The following MCPH1 variants were observed in gnomAD, a reference collection of about 807,000 sequenced individuals.
MCPH1 encodes the protein microcephalin.
A neutral mutation model predicts 84.5 loss-of-function variants in MCPH1; 104 were observed. The ratio of observed to expected loss-of-function variants is 1.23; its 90% CI spans 1.05 to 1.45. The LOEUF (loss-of-function observed/expected upper bound fraction) is 1.45, where lower values mean the gene tolerates loss of function less well. MCPH1 is among the 40% of genes most tolerant of loss of function. The pLI is 0.00. For synonymous variants in MCPH1, 514 were observed against 366.8 expected, an observed-to-expected ratio of 1.40 and a Z score of -4.58; for missense variants, 1,498 against 1,005.7, an observed-to-expected ratio of 1.49 and a Z score of -6.62.
intron 12 of MCPH1, among the ~76,000 whole-genome samples, chr8:6,541,863 C>T (rs897894636): frequency 1.3e-5 from 2 of 151,968 alleles, no homozygotes; most frequent in Admixed American, 1.3e-4. Flanking sequence ...TAAAAATTAG[C>T]TGGACATGGT....
intron 12 of MCPH1, among the ~76,000 whole-genome samples, chr8:6,571,462 T>G (rs1049616804): frequency 6.6e-6 from 1 of 152,182 alleles, no homozygotes; most frequent in African/African-American, 2.4e-5. Context: ...TCTAAAAAAA[T>G]ATGTCCAGTC....
intron 11 of MCPH1, 49 bp from the exon 12 acceptor site, chr8:6,499,803 G>A: frequency 6.5e-7 from 1 of 1,539,620 alleles, no homozygotes; most frequent in Non-Finnish European, 9.0e-7. Flanking sequence ...TTTATTGCCT[G>A]CTAAGGCTAA....
chr8:6,445,652 A>C lies in MCPH1; in HGVS notation c.1825+105A>C, dbSNP rs1159955431. The C allele has an allele frequency of 2.7e-6, 4 of 1,467,006 alleles. No homozygotes were observed. In the African/African-American group the frequency reaches 4.3e-5, roughly 16 times the overall value. The allele number at this position is 1,467,006 out of a possible 1,614,324, so 90.9% of individuals were successfully genotyped here. ...TTTTTCATAACTTATTTCCCCATTT[A>C]CTCCTCTTTTTACTTAAAGAATGTG... is the stretch of plus-strand genomic sequence containing the variant. On this transcript the variant is annotated intron_variant, in intron 8 of 13. Transcript: ENST00000344683.
At chr8:6,466,468 T>G (rs1585933368) in intron 9 of MCPH1, among the ~76,000 whole-genome samples, 1 of 152,126 alleles carries the variant, frequency 6.6e-6, no homozygotes, top group East Asian at 1.9e-4. Flanking sequence ...CCACCACACC[T>G]GGCTAAGTTT....
chr8:6,526,147 C>T (rs777408160), intron 12 of MCPH1, among the ~76,000 whole-genome samples: 9 of 150,684 alleles, frequency 6.0e-5, no homozygotes, highest in Non-Finnish European at 1.0e-4. Context: ...ACGCCAGGTA[C>T]GGTGGCTCAT....
intron 12 of MCPH1, among the ~76,000 whole-genome samples, chr8:6,601,789 C>A (rs1829395749): frequency 6.6e-6 from 1 of 151,616 alleles, no homozygotes; most frequent in South Asian, 2.1e-4. Flanking sequence ...ACCACATATA[C>A]CCACACCACA....
intron 3 of MCPH1, among the ~76,000 whole-genome samples, chr8:6,422,599 C>G (rs1800378192): frequency 6.6e-6 from 1 of 152,210 alleles, no homozygotes; most frequent in African/African-American, 2.4e-5. Flanking sequence ...TTCTCTCTCT[C>G]TCTATTTCTG....
In MCPH1 at chr8:6,509,032, G is replaced by A. The variant is rs61733315; in HGVS notation, c.2214+9103G>A. On this transcript the variant is annotated intron_variant, in intron 12 of 13. Coordinates refer to ENST00000344683, the MANE Select transcript of MCPH1 (RefSeq NM_024596.5). Reference sequence around the variant, plus strand: ...GTTGGCTGATGCTGCTTATTTTGCCGGCTGTCCCTGTAAGTCCTTTAAGGT... The same window carrying A: ...GTTGGCTGATGCTGCTTATTTTGCCAGCTGTCCCTGTAAGTCCTTTAAGGT... 1.1e-5 allele frequency: 18 copies of A among 1,613,888 alleles called. 1 individual carries two copies. Among genetic ancestry groups the A allele is most frequent in the Admixed American group, 5.0e-5 (3 of 59,996 alleles).
chr8:6,505,300 TATGTATATA>T (rs1563305842), intron 12 of MCPH1, among the ~76,000 whole-genome samples: 5 of 53,992 alleles, frequency 9.3e-5, no homozygotes, highest in African/African-American at 4.2e-4. Flanking sequence ...TATACATATA[TATGTATATA>T]ACATATATAT....
chr8:6,594,840 C>G (rs749968831), intron 12 of MCPH1, among the ~76,000 whole-genome samples: 1 of 152,132 alleles, frequency 6.6e-6, no homozygotes, highest in Non-Finnish European at 1.5e-5. Flanking sequence ...GACCTGCCCT[C>G]GGGGTCAGAG....
intron 9 of MCPH1, among the ~76,000 whole-genome samples, chr8:6,456,377 G>A (rs532339980): frequency 1.3e-5 from 2 of 152,270 alleles, no homozygotes; most frequent in Admixed American, 6.5e-5. Context: ...TAGAACGCTC[G>A]CAACACTGTG....
chr8:6,629,977 G>T (rs1457742581), intron 13 of MCPH1, among the ~76,000 whole-genome samples: 1 of 152,154 alleles, frequency 6.6e-6, no homozygotes, highest in African/African-American at 2.4e-5. Flanking sequence ...CACAGAACCT[G>T]GTGTTCCACA....
chr8:6,436,203 C>G (rs1802614743), intron 5 of MCPH1, 41 bp downstream of exon 5: 2 of 1,597,864 alleles, frequency 1.3e-6, no homozygotes, highest in Non-Finnish European at 1.7e-6. Flanking sequence ...CATTTGTGTC[C>G]ATACACCTTG....
chr8:6,407,338 A>G (rs146588091), intron 1 of MCPH1, among the ~76,000 whole-genome samples: 13 of 152,082 alleles, frequency 8.5e-5, no homozygotes, highest in South Asian at 4.2e-4. Flanking sequence ...TAACCGCTCT[A>G]TCAACTCTCT....
At chr8:6,638,897 G>C (rs891488225) in intron 13 of MCPH1, among the ~76,000 whole-genome samples, 5 of 152,218 alleles carry the variant, frequency 3.3e-5, no homozygotes, top group Admixed American at 3.3e-4. Flanking sequence ...TCAGTGGTCA[G>C]ATGCGCTTCA....
At chr8:6,496,681 G>C (rs1811270530) in intron 11 of MCPH1, among the ~76,000 whole-genome samples, 1 of 152,136 alleles carries the variant, frequency 6.6e-6, no homozygotes, top group Non-Finnish European at 1.5e-5. Context: ...AATAAATGTA[G>C]TGTTATGACT....
intron 5 of MCPH1, among the ~76,000 whole-genome samples, chr8:6,438,364 A>AT (rs1037203436): frequency 6.7e-5 from 10 of 149,634 alleles, no homozygotes; most frequent in African/African-American, 2.4e-4. Flanking sequence ...GATTCTTGGT[A>AT]TTTTTTTGTT....
At chr8:6,456,149 T>C (rs894293406) in intron 9 of MCPH1, among the ~76,000 whole-genome samples, 2 of 152,166 alleles carry the variant, frequency 1.3e-5, no homozygotes, top group African/African-American at 4.8e-5. Flanking sequence ...TGCTTTCTGG[T>C]TTGTCTCGGA....
At chr8:6,623,031 T>G (rs1831634101) in intron 13 of MCPH1, among the ~76,000 whole-genome samples, 1 of 148,818 alleles carries the variant, frequency 6.7e-6, no homozygotes, top group African/African-American at 2.5e-5. Context: ...TTTTTTTTTT[T>G]TTGTAGAGAT....
Sources: allele counts gnomAD v4.1 joint callset (sites outside exome capture counted in the v4.1 genomes callset), GRCh38; gene constraint gnomAD v4.1.1; transcripts MANE v1.5; gene names NCBI Gene and HGNC (gene_info 2026-07-23, HGNC 2026-07-21).